Variants in TDRD12 observed in about 807,000 individuals in gnomAD.
The protein encoded by TDRD12 is putative ATP-dependent RNA helicase TDRD12.
TDRD12 carries 158 observed loss-of-function variants against 133.5 expected under a neutral mutation model. The ratio of observed to expected loss-of-function variants is 1.18; its 90% confidence interval spans 1.04 to 1.35. The LOEUF (loss-of-function observed/expected upper bound fraction) is 1.35. TDRD12 is among the 40% of genes most tolerant of loss of function. The probability of loss-of-function intolerance (pLI) is 0.00; values close to 1 mark genes in which losing one functional copy is unlikely to be tolerated. For missense variants in TDRD12, 1,443 were observed against 1,321.3 expected (o/e 1.09, Z -1.43); for synonymous variants, 460 against 477.9 (o/e 0.96, Z 0.49).
At chr19:32,826,017 A>G (rs537826450), downstream of TDRD12, 88 of 1,060,178 alleles carry the variant, frequency 8.3e-5, no homozygotes, top group African/African-American at 1.6e-3. Context: ...ATAAGGTACA[A>G]AAAAGTATAT....
chr19:32,815,724 G>C, intron 26 of TDRD12, 104 bp downstream of exon 26: 1 of 1,143,170 alleles, frequency 8.7e-7, no homozygotes, highest in Non-Finnish European at 1.2e-6. Flanking sequence ...GGCTGGGTGC[G>C]GTGGCTCACA....
chr19:32,798,874 A>G (rs1971305276), intron 16 of TDRD12, among the ~76,000 whole-genome samples: 1 of 152,150 alleles, frequency 6.6e-6, no homozygotes, highest in Non-Finnish European at 1.5e-5. Flanking sequence ...TTTACAGGCC[A>G]TTTTGTAGCC....
At chr19:32,749,741 C>CT in intron 5 of TDRD12, 43 bp from the exon 6 acceptor site, 3 of 1,402,192 alleles carry the variant, frequency 2.1e-6, no homozygotes, top group Non-Finnish European at 3.0e-6. Context: ...TTCAAATATA[C>CT]TTTTAACATC....
chr19:32,749,931 A>G, intron 6 of TDRD12, 62 bp downstream of exon 6: 2 of 1,223,772 alleles, frequency 1.6e-6, no homozygotes, highest in Non-Finnish European at 2.3e-6. Flanking sequence ...TTAATAAAAC[A>G]GAATAAATGC....
At chr19:32,757,102 T>G in exon 8 of TDRD12, 1 of 1,551,854 alleles carries the variant, frequency 6.4e-7, no homozygotes, top group East Asian at 2.4e-5. Context: ...GTATTGTCGG[T>G]GACCTCAGGC....
At chr19:32,796,605 A>T (rs1374317523) in intron 14 of TDRD12, among the ~76,000 whole-genome samples, 5 of 151,924 alleles carry the variant, frequency 3.3e-5, no homozygotes, top group Non-Finnish European at 5.9e-5. Flanking sequence ...AAAAAGTTGC[A>T]TCTGTTATTA....
At chr19:32,796,541 C>A (rs1421556375) in intron 14 of TDRD12, among the ~76,000 whole-genome samples, 2 of 150,646 alleles carry the variant, frequency 1.3e-5, no homozygotes, top group Non-Finnish European at 2.9e-5. Flanking sequence ...GGCAAGATCG[C>A]ACCATTGCAC....
intron 2 of TDRD12, among the ~76,000 whole-genome samples, chr19:32,738,090 T>A (rs2145459103): frequency 6.6e-6 from 1 of 151,984 alleles, no homozygotes; most frequent in African/African-American, 2.4e-5. Flanking sequence ...TGAGCCAAGG[T>A]CGCACCATCG....
exon 3 of TDRD12, chr19:32,738,938 T>C: frequency 6.4e-7 from 1 of 1,551,144 alleles, no homozygotes; most frequent in Non-Finnish European, 8.7e-7. Context: ...GACCAGTACC[T>C]GGCAGAATGT....
intron 11 of TDRD12, among the ~76,000 whole-genome samples, chr19:32,778,293 C>T (rs12462516): frequency 0.052 from 7,883 of 151,988 alleles, 359 homozygotes; most frequent in East Asian, 0.24. Context: ...AAAGCTTCCA[C>T]GAGCCCACAG....
At chr19:32,759,104 T>C (rs1467087523) in intron 8 of TDRD12, among the ~76,000 whole-genome samples, 1 of 152,172 alleles carries the variant, frequency 6.6e-6, no homozygotes. Flanking sequence ...TAGCCAGGCA[T>C]GGTGGCGTGT....
exon 17 of TDRD12, chr19:32,800,187 C>G: frequency 6.6e-7 from 1 of 1,512,182 alleles, no homozygotes; most frequent in Non-Finnish European, 8.8e-7. Flanking sequence ...TATTAGATAA[C>G]TTTAAAAAAA....
At chr19:32,738,886 T>C in exon 3 of TDRD12, 4 of 1,551,360 alleles carry the variant, frequency 2.6e-6, no homozygotes, top group Non-Finnish European at 3.5e-6. Flanking sequence ...GGAGCTAAAG[T>C]GCTGGTGCAG....
chr19:32,792,303 A>C (rs1971095881), intron 13 of TDRD12, among the ~76,000 whole-genome samples: 1 of 152,246 alleles, frequency 6.6e-6, no homozygotes, highest in Middle Eastern at 3.4e-3. Context: ...TGAGGAGGAG[A>C]AAATGTTAAA....
chr19:32,761,808 C>T (rs1011944080), intron 8 of TDRD12, among the ~76,000 whole-genome samples: 5 of 151,942 alleles, frequency 3.3e-5, no homozygotes, highest in African/African-American at 1.2e-4. Context: ...GCCTGAGCCC[C>T]GCGAGTAGCT....
At chr19:32,763,105 G>A (rs1311133048) in intron 8 of TDRD12, among the ~76,000 whole-genome samples, 2 of 152,164 alleles carry the variant, frequency 1.3e-5, no homozygotes, top group African/African-American at 2.4e-5. Context: ...CATCGTATAT[G>A]TGGTCTATTG....
chr19:32,719,919 G>GGGGCACCTGCCGC (rs1327499661), exon 1 of TDRD12: 9 of 905,312 alleles, frequency 9.9e-6, no homozygotes, highest in African/African-American at 4.9e-5. Flanking sequence ...CGAGGAGTGT[G>GGGGCACCTGCCGC]GGGCACCTGC....
downstream of TDRD12, chr19:32,821,382 G>GTA: frequency 2.8e-6 from 1 of 354,080 alleles, no homozygotes; most frequent in Non-Finnish European, 4.7e-6. Flanking sequence ...GTGTGTGTGT[G>GTA]TGTGTGTGTG....
intron 1 of TDRD12, among the ~76,000 whole-genome samples, chr19:32,721,056 C>T (rs1968643409): frequency 6.6e-6 from 1 of 152,014 alleles, no homozygotes; most frequent in South Asian, 2.1e-4. Flanking sequence ...TCGGGTGGCC[C>T]GGGCAGCCCC....
Sources: allele counts gnomAD v4.1 joint callset (sites outside exome capture counted in the v4.1 genomes callset), GRCh38; gene constraint gnomAD v4.1.1; transcripts MANE v1.5; gene names NCBI Gene and HGNC (gene_info 2026-07-23, HGNC 2026-07-21).